Variants in PTPRD observed in about 807,000 individuals in gnomAD.
PTPRD encodes the protein receptor-type tyrosine-protein phosphatase delta.
In PTPRD, 34 loss-of-function variants were observed where a neutral mutation model predicts 214.5. That is an observed-to-expected ratio of 0.16 (90% CI 0.12 to 0.21). PTPRD has a LOEUF of 0.21. PTPRD is among the 10% of genes least tolerant of loss of function. PTPRD has a pLI of 1.00. For synonymous variants in PTPRD, 1,128 were observed against 845.7 expected, an observed-to-expected ratio of 1.33 and a Z score of -5.79; for missense variants, 2,545 against 2,398.7, an observed-to-expected ratio of 1.06 and a Z score of -1.27.
chr9:9,303,866 A>C (rs1428080683), intron 9 of PTPRD, among the ~76,000 whole-genome samples: 1 of 152,082 alleles, frequency 6.6e-6, no homozygotes, highest in Non-Finnish European at 1.5e-5. Context: ...TATCTCCTAA[A>C]CATAAAATTC....
At chr9:10,036,493 T>C (rs376740838) in intron 3 of PTPRD, among the ~76,000 whole-genome samples, 4,298 of 132,680 alleles carry the variant, frequency 0.032, 116 homozygotes, top group Admixed American at 0.099. Flanking sequence ...AAGGCACACA[T>C]ACACACACTC....
At chr9:9,563,310 TG>T (rs2083449648) in intron 8 of PTPRD, among the ~76,000 whole-genome samples, 1 of 152,154 alleles carries the variant, frequency 6.6e-6, no homozygotes, top group African/African-American at 2.4e-5. Context: ...AACTACCTTA[TG>T]GATAGACTAT....
intron 11 of PTPRD, 33 bp from the exon 12 acceptor site, chr9:8,733,979 A>G (rs907209167): frequency 1.8e-5 from 15 of 849,908 alleles, no homozygotes; most frequent in Non-Finnish European, 2.6e-5. Context: ...AAGAAAAGGA[A>G]GAAAACACAA....
intron 10 of PTPRD, among the ~76,000 whole-genome samples, chr9:9,019,058 T>A (rs1381868738): frequency 6.6e-6 from 1 of 152,098 alleles, no homozygotes; most frequent in African/African-American, 2.4e-5. Flanking sequence ...AACCATCAAG[T>A]ATCATTCAAT....
At chr9:8,502,597 T>A (rs1256962077) in intron 23 of PTPRD, among the ~76,000 whole-genome samples, 1 of 152,110 alleles carries the variant, frequency 6.6e-6, no homozygotes, top group Non-Finnish European at 1.5e-5. Flanking sequence ...GGGGTTCTTA[T>A]ATCTCAAATT....
At chr9:10,482,243 T>C (rs1953593) in intron 2 of PTPRD, among the ~76,000 whole-genome samples, 48,794 of 151,040 alleles carry the variant, frequency 0.32, 9,645 homozygotes, top group South Asian at 0.44. Context: ...TGGTGGCGGG[T>C]GCCTGTAGTC....
chr9:9,007,710 G>C (rs572585244), intron 11 of PTPRD, among the ~76,000 whole-genome samples: 9 of 137,446 alleles, frequency 6.5e-5, no homozygotes, highest in African/African-American at 2.4e-4. Flanking sequence ...TCCCGTGTTT[G>C]ACCTCCTGTT....
rs765293195 is a variant in PTPRD at position 8,484,388 on chromosome 9, T to A, written c.3154-10A>T. On this transcript the variant is annotated splice_polypyrimidine_tract_variant and intron_variant, in intron 29 of 45. Coordinates refer to ENST00000381196, the MANE Select transcript of PTPRD (RefSeq NM_002839.4). The stretch of plus-strand genomic sequence containing the variant: ...CATCATCATAAAGAATCTAAAGAGA[T>A]AAAACCAATAAAAAAAAAATCTGGT... 15 of 1,590,028 alleles carry A rather than the reference T, an allele frequency of 9.4e-6. No individual in the cohort carries two copies. The East Asian group carries it at 3.1e-4, about 33-fold the overall frequency.
intron 10 of PTPRD, among the ~76,000 whole-genome samples, chr9:9,063,277 G>A (rs1331717806): frequency 2.0e-5 from 3 of 152,120 alleles, no homozygotes; most frequent in Non-Finnish European, 4.4e-5. Flanking sequence ...CTAACATTCT[G>A]TAATTCTGTA....
chr9:9,695,265 T>C (rs1175328640), intron 7 of PTPRD, among the ~76,000 whole-genome samples: 1 of 152,114 alleles, frequency 6.6e-6, no homozygotes, highest in Non-Finnish European at 1.5e-5. Context: ...GGGAGCTATG[T>C]CCTCACAACT....
intron 10 of PTPRD, among the ~76,000 whole-genome samples, chr9:9,128,912 CAT>C (rs1489231872): frequency 6.6e-6 from 1 of 152,184 alleles, no homozygotes; most frequent in African/African-American, 2.4e-5. Flanking sequence ...TTAAATGTAA[CAT>C]CATTTTTCTC....
At chr9:9,008,568 C>T (rs1589713276) in intron 11 of PTPRD, among the ~76,000 whole-genome samples, 1 of 152,030 alleles carries the variant, frequency 6.6e-6, no homozygotes, top group African/African-American at 2.4e-5. Context: ...GTGTGTCAAT[C>T]TGACAATTCT....
rs543474410 is a variant in PTPRD, at chr9:9,436,821, G to C, written c.-236-39339C>G. ...CTGTACCGCAGAATTTTCCACACTG[G>C]TTCCTGGAGACTTCAGGCTGGTGTT... is the stretch of plus-strand genomic sequence containing the variant. On this transcript the variant is annotated intron_variant, in intron 8 of 45. Coordinates refer to ENST00000381196, the MANE Select transcript of PTPRD (RefSeq NM_002839.4). Among the ~76,000 whole-genome samples the C allele has an allele frequency of 8.9e-4, 135 of 151,752 alleles. 1 individual carries two copies. The highest frequency in any genetic ancestry group is 4.6e-3 in the South Asian group (22 of 4,810).
chr9:10,049,425 A>T (rs1297089361), intron 3 of PTPRD, among the ~76,000 whole-genome samples: 2 of 135,200 alleles, frequency 1.5e-5, no homozygotes, highest in African/African-American at 6.0e-5. Flanking sequence ...GAAAGAAAGA[A>T]AGAAAGAAAG....
At chr9:10,158,994 G>T (rs999556614) in intron 3 of PTPRD, among the ~76,000 whole-genome samples, 3 of 152,110 alleles carry the variant, frequency 2.0e-5, no homozygotes, top group Non-Finnish European at 4.4e-5. Context: ...GCAGCACCAT[G>T]TTGTAGGAGG....
chr9:8,741,897 C>A (rs1166438527), intron 11 of PTPRD, among the ~76,000 whole-genome samples: 1 of 151,872 alleles, frequency 6.6e-6, no homozygotes, highest in African/African-American at 2.4e-5. Context: ...CCGGGCATTT[C>A]TTTTTTTATG....
chr9:8,349,979 G>A (rs1002758129), intron 39 of PTPRD, among the ~76,000 whole-genome samples: 6 of 149,394 alleles, frequency 4.0e-5, no homozygotes, highest in African/African-American at 1.5e-4. Flanking sequence ...ACGTTCCAGT[G>A]TTTACAAGCT....
chr9:10,107,494 C>T (rs934793689), intron 3 of PTPRD, among the ~76,000 whole-genome samples: 1 of 151,774 alleles, frequency 6.6e-6, no homozygotes, highest in Non-Finnish European at 1.5e-5. Context: ...TTGCCACTTA[C>T]CGGCTGTGTA....
At chr9:8,521,159 C>G in intron 20 of PTPRD, 118 bp downstream of exon 20, 1 of 1,207,608 alleles carries the variant, frequency 8.3e-7, no homozygotes, top group Non-Finnish European at 1.1e-6. Flanking sequence ...AGGTTATACA[C>G]ACATTTAAAA....
Sources: gnomAD v4.1 joint callset for allele counts (sites outside exome capture counted in the v4.1 genomes callset) on GRCh38, gnomAD v4.1.1 for gene constraint, MANE v1.5 for transcripts, NCBI Gene and HGNC (gene_info 2026-07-23, HGNC 2026-07-21) for gene names.